Variants in TMPRSS7 observed in about 807,000 individuals in gnomAD.
The protein encoded by TMPRSS7 is transmembrane protease serine 7.
A neutral mutation model predicts 95.6 loss-of-function variants in TMPRSS7; 81 were observed. The observed-to-expected ratio is 0.85, with a 90% CI of 0.71 to 1.02. TMPRSS7 has a LOEUF of 1.02. TMPRSS7 is among the 50% of genes least tolerant of loss of function. The probability of loss-of-function intolerance (pLI) is 0.00; values close to 1 mark genes in which losing one functional copy is unlikely to be tolerated. For synonymous variants in TMPRSS7, 364 were observed against 337.8 expected, an observed-to-expected ratio of 1.08 and a Z score of -0.85; for missense variants, 945 against 955.2, an observed-to-expected ratio of 0.99 and a Z score of 0.14.
Position 112,034,910 on chromosome 3 carries a change from A to C in TMPRSS7, c.48+17A>C. The C allele has an allele frequency of 1.4e-6, 1 of 702,866 alleles. No homozygotes were observed. The highest frequency in any genetic ancestry group is 1.7e-5 in the African/African-American group (1 of 57,374). The allele number at this position is 702,866 out of a possible 1,614,324, so 43.5% of individuals were successfully genotyped here. A position where few individuals can be genotyped will look rare whatever the true frequency, so the allele number is the denominator to read the frequency against. On this transcript the variant is annotated intron_variant, in intron 1 of 17. Coordinates refer to ENST00000452346, the Ensembl canonical transcript of TMPRSS7. ...GACCTGAAAGTAAGTACAGGGTGAG[A>C]AACTTTCTCTTACTTGAATGCCATT...
chr3:112,060,691 C>T (rs113153607), intron 10 of TMPRSS7, among the ~76,000 whole-genome samples: 6,475 of 152,244 alleles, frequency 0.043, 418 homozygotes, highest in African/African-American at 0.14. Context: ...TGTTCAAACA[C>T]ACATGCTCTA....
Position 112,063,506 on chromosome 3 carries a change from G to T in TMPRSS7, c.1448-19G>T, listed in dbSNP as rs555894306. The T allele has an allele frequency of 8.8e-6, 14 of 1,594,620 alleles. No individual in the cohort carries two copies. Among genetic ancestry groups the T allele is most frequent in the Admixed American group, 3.4e-5 (2 of 58,660 alleles). ...ATCTATCCAAGATTTTCTATTTTTT[G>T]ATTTTTTGTTGCCCATAGCCTGCCC... On this transcript the variant is annotated intron_variant, in intron 11 of 17. Coordinates refer to ENST00000452346, the Ensembl canonical transcript of TMPRSS7.
rs61530264 is a variant in TMPRSS7 at position 112,080,545 on chromosome 3, T to C, written c.2362-369T>C. On this transcript the variant is annotated intron_variant, in intron 17 of 17. Coordinates refer to ENST00000452346, the Ensembl canonical transcript of TMPRSS7. ...TAGCCCTCACTACTACTACTACTAC[T>C]ACCACCACTACTACTACTACTACTA... Among the ~76,000 whole-genome samples the C allele has an allele frequency of 1.8e-3, 235 of 128,306 alleles. 1 individual carries two copies. Among genetic ancestry groups the C allele is most frequent in the African/African-American group, 5.7e-3 (205 of 35,796 alleles). The allele number at this position is 128,306 out of a possible 152,430, so 84.2% of individuals were successfully genotyped here.
intron 13 of TMPRSS7, among the ~76,000 whole-genome samples, chr3:112,069,276 C>G (rs2073613058): frequency 6.6e-6 from 1 of 152,116 alleles, no homozygotes; most frequent in African/African-American, 2.4e-5. Flanking sequence ...GGGTATTGGT[C>G]TAAAATTCTC....
At chr3:112,063,586 T>C in exon 12 of TMPRSS7, 1 of 1,614,116 alleles carries the variant, frequency 6.2e-7, no homozygotes, top group Non-Finnish European at 8.5e-7. Flanking sequence ...CCCAGCGTTG[T>C]GATGGAGTAA....
intron 13 of TMPRSS7, among the ~76,000 whole-genome samples, chr3:112,069,891 G>A (rs148562050): frequency 0.017 from 2,625 of 151,876 alleles, 35 homozygotes; most frequent in Middle Eastern, 0.068. Context: ...GTTTGCTCTT[G>A]CTTCCCTAGT....
At chr3:112,069,801 G>T (rs2073620580) in intron 13 of TMPRSS7, among the ~76,000 whole-genome samples, 1 of 150,590 alleles carries the variant, frequency 6.6e-6, no homozygotes, top group African/African-American at 2.5e-5. Flanking sequence ...ATTTTTTTTT[G>T]AAGGGTTTTT....
At chr3:112,062,059 A>G (rs2073515438) in intron 11 of TMPRSS7, 136 bp downstream of exon 11, 2 of 378,760 alleles carry the variant, frequency 5.3e-6, no homozygotes, top group Non-Finnish European at 8.4e-6. Context: ...TTATTTCTAT[A>G]ATAAATAATA....
chr3:112,058,135 G>T (rs73853294), intron 10 of TMPRSS7, among the ~76,000 whole-genome samples: 36,473 of 152,102 alleles, frequency 0.24, 4,532 homozygotes, highest in Middle Eastern at 0.28. Flanking sequence ...CTACTTCTTT[G>T]CTCATTGTTA....
chr3:112,075,363 GCA>G lies in TMPRSS7; in HGVS notation c.1829_1830del (p.Thr610ArgfsTer77), dbSNP rs749580181. 3.4e-6 allele frequency: 5 copies of G among 1,489,488 alleles called. No homozygotes were observed. In the South Asian group the frequency reaches 7.0e-5, roughly 21 times the overall value. 92.3% of individuals were successfully genotyped at this position (1,489,488 alleles called of 1,614,324 possible). On this transcript the variant is annotated frameshift_variant, in exon 15 of 18. Transcript: ENST00000452346. LOFTEE classifies it high-confidence loss of function. ...TCCGCCCTTCACCGCATCATCGGAGGCACAGACACCCTGGAGGGGGGTTGGCC... is the reference window on the plus strand; with the variant it reads ...TCCGCCCTTCACCGCATCATCGGAGGCAGACACCCTGGAGGGGGGTTGGCC...
At chr3:112,036,928 T>C (rs1423668922) in intron 1 of TMPRSS7, among the ~76,000 whole-genome samples, 2 of 152,248 alleles carry the variant, frequency 1.3e-5, no homozygotes, top group Non-Finnish European at 2.9e-5. Flanking sequence ...ACATTTATCA[T>C]TTCCCCAATC....
rs753159265 is a variant in TMPRSS7, at chr3:112,078,777, G to C, written c.2260G>C (p.Val754Leu). 8.7e-6 allele frequency: 14 copies of C among 1,614,072 alleles called. No individual in the cohort carries two copies. The African/African-American group carries it at 1.7e-4, about 20-fold the overall frequency. ...CTCCCTCGTTCTGCAGCAAGCGGAG[G>C]TAGAGCTCATTGATCAAACGCTCTG... The change falls in exon 17 of 18, where the codon GTA becomes CTA. Residue 754 changes from valine to leucine, a missense_variant. Val to Leu is a conservative substitution (Grantham distance 32). Transcript: ENST00000452346.
chr3:112,062,029 T>A, intron 11 of TMPRSS7, 106 bp downstream of exon 11: 7 of 748,666 alleles, frequency 9.3e-6, no homozygotes, highest in Non-Finnish European at 1.3e-5. Flanking sequence ...GCTTTATTTC[T>A]GCTATTTCCT....
chr3:112,045,059 T>A (rs1268186256), intron 4 of TMPRSS7, among the ~76,000 whole-genome samples: 2 of 152,222 alleles, frequency 1.3e-5, no homozygotes, highest in African/African-American at 4.8e-5. Context: ...ACTGGAATAA[T>A]AATGGGACCT....
downstream of TMPRSS7, chr3:112,081,196 G>C: frequency 2.0e-6 from 2 of 999,710 alleles, no homozygotes; most frequent in Non-Finnish European, 2.8e-6. Context: ...ACGTTGGGAG[G>C]CCGAGGCGGG....
At chr3:112,068,881 G>A (rs1188887241) in intron 13 of TMPRSS7, among the ~76,000 whole-genome samples, 1 of 152,134 alleles carries the variant, frequency 6.6e-6, no homozygotes, top group Non-Finnish European at 1.5e-5. Context: ...TGGTGAGAGG[G>A]CACATCTTTG....
chr3:112,076,944 C>G lies in TMPRSS7; in HGVS notation c.2024C>G (p.Ser675Cys), dbSNP rs746267434. Residue 675 changes from serine to cysteine, a missense_variant, in exon 16 of 18, where the codon TCC becomes TGC. Coordinates refer to ENST00000452346, the Ensembl canonical transcript of TMPRSS7. ...GTTCAGGGGAATGCCAAGTTTGTCT[C>G]CCCGGTGAGAAGAATTGTGGTCCAC... 4 of 1,614,070 alleles carry G rather than the reference C, an allele frequency of 2.5e-6. No homozygotes were observed. The Admixed American group carries it at 6.7e-5, about 27-fold the overall frequency.
chr3:112,079,280 A>G (rs1339398115), intron 17 of TMPRSS7, among the ~76,000 whole-genome samples: 1 of 152,240 alleles, frequency 6.6e-6, no homozygotes, highest in Non-Finnish European at 1.5e-5. Context: ...GAGGTGACAA[A>G]GAATACTCAT....
intron 5 of TMPRSS7, among the ~76,000 whole-genome samples, chr3:112,046,600 CAT>C (rs1194278080): frequency 6.6e-6 from 1 of 152,176 alleles, no homozygotes; most frequent in African/African-American, 2.4e-5. Flanking sequence ...GGAAAAATCT[CAT>C]AGAAAATTCT....
Sources: allele counts gnomAD v4.1 joint callset (sites outside exome capture counted in the v4.1 genomes callset), GRCh38; gene constraint gnomAD v4.1.1; transcripts MANE v1.5; gene names NCBI Gene and HGNC (gene_info 2026-07-23, HGNC 2026-07-21).